Variants in ANKRD31 observed in about 807,000 individuals in gnomAD.
ANKRD31 encodes the protein ankyrin repeat domain-containing protein 31.
A neutral mutation model predicts 186.0 loss-of-function variants in ANKRD31; 147 were observed. The observed-to-expected ratio is 0.79, with a 90% confidence interval of 0.69 to 0.91. The LOEUF is 0.91. ANKRD31 is among the 40% of genes least tolerant of loss of function. ANKRD31 has a pLI of 0.00. For synonymous variants in ANKRD31, 673 were observed against 736.4 expected, an observed-to-expected ratio of 0.91 and a Z score of 1.39; for missense variants, 1,986 against 2,148.8, an observed-to-expected ratio of 0.92 and a Z score of 1.50.
rs769569012 is a variant in ANKRD31, at chr5:75,146,192, T to C, written c.3219A>G (p.Lys1073=). The C allele has an allele frequency of 6.5e-7, 1 of 1,535,690 alleles. No homozygotes were observed. Among genetic ancestry groups the C allele is most frequent in the Admixed American group, 2.0e-5 (1 of 50,778 alleles). The change falls in exon 14 of 26, where the codon AAA becomes AAG. Residue 1073 remains lysine (K), a synonymous_variant. Transcript: ENST00000506364. ...ATAAAGGCTCATTTGAATAAATTAT[T>C]TTTTGGTCTCTGTCAATGTAATTCC... ...TERNYIDRDQ[K]IIYSNEPLSI...
intron 12 of ANKRD31, among the ~76,000 whole-genome samples, chr5:75,152,534 T>G (rs901153675): frequency 2.6e-5 from 4 of 152,048 alleles, no homozygotes; most frequent in Admixed American, 2.0e-4. Flanking sequence ...GTTGGGGATT[T>G]TTTTTCATTA....
chr5:75,151,960 A>G (rs1164218366), intron 12 of ANKRD31, among the ~76,000 whole-genome samples: 1 of 152,028 alleles, frequency 6.6e-6, no homozygotes, highest in Non-Finnish European at 1.5e-5. Flanking sequence ...TGTTTGATAC[A>G]TAGCAACCCT....
chr5:75,103,920 T>C (rs1306009395), intron 22 of ANKRD31, among the ~76,000 whole-genome samples: 3 of 152,184 alleles, frequency 2.0e-5, no homozygotes, highest in Non-Finnish European at 4.4e-5. Flanking sequence ...ACCTACGTTA[T>C]GGGTTGACAG....
chr5:75,164,423 A>T (rs1752783348), intron 11 of ANKRD31, among the ~76,000 whole-genome samples: 1 of 152,230 alleles, frequency 6.6e-6, no homozygotes, highest in African/African-American at 2.4e-5. Flanking sequence ...ACCTAAATGT[A>T]GGTTTAAAGT....
chr5:75,194,280 G>A (rs556952194), intron 7 of ANKRD31, among the ~76,000 whole-genome samples: 3 of 152,030 alleles, frequency 2.0e-5, no homozygotes, highest in African/African-American at 4.8e-5. Flanking sequence ...ACTTAAGAGG[G>A]TTTATTTTTT....
At chr5:75,144,551 T>C (rs1028839268) in intron 14 of ANKRD31, among the ~76,000 whole-genome samples, 1 of 152,106 alleles carries the variant, frequency 6.6e-6, no homozygotes, top group Non-Finnish European at 1.5e-5. Flanking sequence ...TGCAGAAAAC[T>C]GAAACTGGAA....
In ANKRD31 at chr5:75,116,651, T is replaced by A. The variant is rs1748306065; in HGVS notation, c.4070A>T (p.His1357Leu). The A allele has an allele frequency of 6.9e-7, 1 of 1,448,450 alleles. No individual in the cohort carries two copies. The highest frequency in any genetic ancestry group is 1.4e-5 in the African/African-American group (1 of 71,862). The allele number at this position is 1,448,450 out of a possible 1,614,324, so 89.7% of individuals were successfully genotyped here. A position where few individuals can be genotyped will look rare whatever the true frequency, so the allele number is the denominator to read the frequency against. Residue 1357 changes from histidine (H) to leucine (L), a missense_variant, in exon 19 of 26, where the codon CAT (histidine) becomes CTT (leucine). Physicochemically the swap from His to Leu is moderately conservative, Grantham distance 99. Coordinates refer to ENST00000506364, the MANE Select transcript of ANKRD31 (RefSeq NM_001372053.1). ...GCCATCATCACAAAAACACTGTTTA[T>A]GTCTTTTAGACCGGACAGCAGGAAT... is the stretch of plus-strand genomic sequence containing the variant. ...EKIPAVRSKR[H>L]KQCFCDDGKT...
intron 17 of ANKRD31, among the ~76,000 whole-genome samples, chr5:75,136,098 C>G (rs935163003): frequency 2.6e-5 from 4 of 152,182 alleles, no homozygotes; most frequent in African/African-American, 9.7e-5. Flanking sequence ...AGGACATAGG[C>G]ATGGGCAAGG....
chr5:75,140,732 G>A (rs568572436), intron 15 of ANKRD31, among the ~76,000 whole-genome samples: 2 of 152,320 alleles, frequency 1.3e-5, no homozygotes, highest in African/African-American at 4.8e-5. Context: ...TGTTGGAGAA[G>A]CCCACCCAGC....
At chr5:75,183,929 A>C (rs1224834094) in intron 10 of ANKRD31, among the ~76,000 whole-genome samples, 1 of 152,166 alleles carries the variant, frequency 6.6e-6, no homozygotes, top group Non-Finnish European at 1.5e-5. Context: ...ATGTAGAACC[A>C]CAAAAGACCC....
rs961974823 is a variant in ANKRD31, at chr5:75,068,771, A to G, written c.5648-107T>C. ...CAATCAAGTCTATTTGAGAGCACAC[A>G]TAACAGGTTTTCTGATCAGGACCTT... is the stretch of plus-strand genomic sequence containing the variant. On this transcript the variant is annotated intron_variant, in intron 25 of 25. Transcript: ENST00000506364. The G allele has an allele frequency of 2.6e-6, 3 of 1,166,296 alleles. No individual in the cohort carries two copies. In the African/African-American group the frequency reaches 4.8e-5, roughly 19 times the overall value. 72.2% of individuals were successfully genotyped at this position (1,166,296 alleles called of 1,614,324 possible).
chr5:75,161,615 G>A (rs940558945), intron 11 of ANKRD31, among the ~76,000 whole-genome samples: 2 of 151,938 alleles, frequency 1.3e-5, no homozygotes, highest in Admixed American at 1.3e-4. Flanking sequence ...AAGACAATAG[G>A]GAATATGTCC....
chr5:75,140,331 T>TAGGA (rs1239804093), intron 15 of ANKRD31, among the ~76,000 whole-genome samples: 3 of 52,940 alleles, frequency 5.7e-5, no homozygotes, highest in Admixed American at 2.1e-4. Flanking sequence ...GGAAGGAAGG[T>TAGGA]AGGAAGGAAG....
At position 75,236,867 on chromosome 5, in the gene ANKRD31, G is replaced by A. The variant is rs900265978; in HGVS notation, c.-181C>T. 4.3e-6 allele frequency: 2 copies of A among 469,546 alleles called. No individual in the cohort carries two copies. Among genetic ancestry groups the A allele is most frequent in the South Asian group, 3.2e-5 (1 of 30,982 alleles). The allele number at this position is 469,546 out of a possible 1,614,324, so 29.1% of individuals were successfully genotyped here. A position where few individuals can be genotyped will look rare whatever the true frequency, so the allele number is the denominator to read the frequency against. On this transcript the variant is annotated 5_prime_UTR_variant, in exon 1 of 26. Transcript: ENST00000506364. Reference sequence around the variant, plus strand: ...GACGCAGGCGGCCGCGAGCGCGGCGGGGTAGCAGTCTGCGAGGCGGCCCGC... The same window carrying A: ...GACGCAGGCGGCCGCGAGCGCGGCGAGGTAGCAGTCTGCGAGGCGGCCCGC...
chr5:75,148,504 C>G, intron 13 of ANKRD31, 72 bp downstream of exon 13: 1 of 1,083,672 alleles, frequency 9.2e-7, no homozygotes, highest in East Asian at 2.7e-5. Context: ...TCTTTCTCTT[C>G]CCTTTGACAA....
intron 17 of ANKRD31, among the ~76,000 whole-genome samples, chr5:75,135,424 C>G (rs1028518201): frequency 6.6e-6 from 1 of 151,390 alleles, no homozygotes; most frequent in Non-Finnish European, 1.5e-5. Flanking sequence ...CAATTGCTTC[C>G]AAGAGAATAA....
Position 75,188,607 on chromosome 5 carries a change from G to A in ANKRD31, c.1450C>T (p.Arg484Trp), listed in dbSNP as rs184949434. 2.3e-4 allele frequency: 358 copies of A among 1,535,200 alleles called. No individual in the cohort carries two copies. The African/African-American group carries it at 4.0e-3, about 17-fold the overall frequency. ...VNKISLHSIN[R>W]RNIFGENLVY... is the part of the protein sequence containing the mutation. ...AAGTTCTCTCCAAAAATGTTTCTCC[G>A]GTTAATGCTATGAAGAGATATTTTG... The change falls in exon 10 of 26, where the codon CGG becomes TGG. Residue 484 changes from arginine to tryptophan, a missense_variant. Coordinates refer to ENST00000506364, the MANE Select transcript of ANKRD31 (RefSeq NM_001372053.1).
At chr5:75,125,263 G>A (rs1361362881) in intron 17 of ANKRD31, among the ~76,000 whole-genome samples, 1 of 152,114 alleles carries the variant, frequency 6.6e-6, no homozygotes, top group East Asian at 1.9e-4. Flanking sequence ...ACACCTTAGT[G>A]AAGTCTGAGT....
chr5:75,138,123 G>T, intron 16 of ANKRD31, 125 bp from the exon 17 acceptor site: 3 of 803,608 alleles, frequency 3.7e-6, no homozygotes, highest in Non-Finnish European at 5.1e-6. Context: ...TATATACTAA[G>T]TATTGAACAA....
Sources: gnomAD v4.1 joint callset for allele counts (sites outside exome capture counted in the v4.1 genomes callset) on GRCh38, gnomAD v4.1.1 for gene constraint, MANE v1.5 for transcripts, NCBI Gene and HGNC (gene_info 2026-07-23, HGNC 2026-07-21) for gene names.